The following UNC80 variants were observed in gnomAD, a reference collection of about 807,000 sequenced individuals.
UNC80 encodes the protein protein unc-80 homolog.
In UNC80, 164 loss-of-function variants were observed where a neutral mutation model predicts 384.6. That is an observed-to-expected ratio of 0.43 (90% CI 0.38 to 0.49). The LOEUF is 0.49. UNC80 is among the 20% of genes least tolerant of loss of function. The pLI is 0.00. For missense variants in UNC80, 3,330 were observed against 4,143.0 expected, an observed-to-expected ratio of 0.80 and a Z score of 5.39; for synonymous variants, 1,486 against 1,527.8, an observed-to-expected ratio of 0.97 and a Z score of 0.64.
chr2:209,896,378 G>C lies in UNC80; in HGVS notation c.4546G>C (p.Glu1516Gln), dbSNP rs1356588629. 9 of 1,551,622 alleles carry C rather than the reference G, an allele frequency of 5.8e-6. No homozygotes were observed. In the East Asian group the frequency reaches 2.2e-4, roughly 38 times the overall value. ...EPEGMSNAGA[E>Q]ENYHRNMSWL... ...AGAGGGAATGAGTAATGCCGGCGCG[G>C]AGGAGAATTACCACAGAAACATGTC... is the stretch of plus-strand genomic sequence containing the variant. The change falls in exon 28 of 65, where the codon GAG (glutamate) becomes CAG (glutamine). Residue 1516 changes from glutamate to glutamine, a missense_variant. Transcript: ENST00000673920.
At chr2:209,880,871 C>A in intron 24 of UNC80, 90 bp from the exon 25 acceptor site, 1 of 1,261,290 alleles carries the variant, frequency 7.9e-7, no homozygotes, top group Non-Finnish European at 1.1e-6. Flanking sequence ...CAATTTGATT[C>A]TATACATGTG....
intron 13 of UNC80, among the ~76,000 whole-genome samples, chr2:209,821,390 T>A (rs1455501374): frequency 6.6e-6 from 1 of 152,040 alleles, no homozygotes; most frequent in East Asian, 1.9e-4. Context: ...AGCTTCAATA[T>A]GTGAATTTTG....
chr2:209,873,326 G>C (rs1374447935), intron 23 of UNC80, among the ~76,000 whole-genome samples: 1 of 152,072 alleles, frequency 6.6e-6, no homozygotes, highest in Non-Finnish European at 1.5e-5. Context: ...TTATCTTTTT[G>C]AAAGTCATTG....
intron 20 of UNC80, among the ~76,000 whole-genome samples, chr2:209,841,466 C>G (rs781475949): frequency 1.4e-4 from 22 of 152,150 alleles, no homozygotes; most frequent in African/African-American, 5.3e-4. Context: ...AATGATTCTC[C>G]TGCCTCAGCC....
At chr2:209,836,575 T>C (rs2081350397) in intron 18 of UNC80, among the ~76,000 whole-genome samples, 1 of 152,246 alleles carries the variant, frequency 6.6e-6, no homozygotes, top group Non-Finnish European at 1.5e-5. Context: ...AGATACATGT[T>C]TCAATATGCC....
At position 209,976,803 on chromosome 2, in the gene UNC80, A is replaced by T. The variant is rs1322141866; in HGVS notation, c.8773-110A>T. The T allele has an allele frequency of 4.1e-6, 5 of 1,231,740 alleles. No homozygotes were observed. The East Asian group carries it at 1.3e-4, about 32-fold the overall frequency. The allele number at this position is 1,231,740 out of a possible 1,614,324, so 76.3% of individuals were successfully genotyped here. A position where few individuals can be genotyped will look rare whatever the true frequency, so the allele number is the denominator to read the frequency against. On this transcript the variant is annotated intron_variant, in intron 57 of 64. Transcript: ENST00000673920. This position sits in a 1 kb window ranked among gnomAD's most constrained non-coding sequence, Gnocchi z 4.3. ...CTGTGTAAAGTGCCGTTCTAGGAACATCACATGCATTACCTTATTTATTCC... is the reference window on the plus strand; with the variant it reads ...CTGTGTAAAGTGCCGTTCTAGGAACTTCACATGCATTACCTTATTTATTCC...
chr2:209,826,278 G>T (rs2080511218), intron 14 of UNC80, among the ~76,000 whole-genome samples: 1 of 152,158 alleles, frequency 6.6e-6, no homozygotes, highest in Admixed American at 6.5e-5. Flanking sequence ...TCCTGCCTAG[G>T]GCAGACCAAC....
In UNC80 at chr2:209,995,566, G is replaced by T; in HGVS notation, c.9946G>T (p.Asp3316Tyr). The T allele has an allele frequency of 6.4e-7, 1 of 1,552,066 alleles. No individual in the cohort carries two copies. The highest frequency in any genetic ancestry group is 8.7e-7 in the Non-Finnish European group (1 of 1,147,090). Reference sequence around the variant, plus strand: ...TACTCCCACTGAGCTGGGGAAAACGGATGCAGTATTAGATGAGTCTCATGT... The same window carrying T: ...TACTCCCACTGAGCTGGGGAAAACGTATGCAGTATTAGATGAGTCTCATGT... ...TFTPTELGKT[D>Y]AVLDESHV Residue 3316 changes from aspartate to tyrosine, a missense_variant, in exon 65 of 65, where the codon GAT (aspartate) becomes TAT (tyrosine). Transcript: ENST00000673920.
At position 209,843,761 on chromosome 2, in the gene UNC80, C is replaced by T. The variant is rs79788566; in HGVS notation, c.3454+1315C>T. On this transcript the variant is annotated intron_variant, in intron 21 of 64. Coordinates refer to ENST00000673920, the MANE Select transcript of UNC80 (RefSeq NM_001371986.1). ...AGATGTAACTCTAAGAATACTTCTACTTGACTTTGATTAATTAATAATTTG... is the reference window on the plus strand; with the variant it reads ...AGATGTAACTCTAAGAATACTTCTATTTGACTTTGATTAATTAATAATTTG... Among the ~76,000 whole-genome samples, 659 of 152,242 alleles carry T rather than the reference C, an allele frequency of 4.3e-3. 2 individuals carry two copies. Among genetic ancestry groups the T allele is most frequent in the Admixed American group, 7.3e-3 (112 of 15,290 alleles).
intron 52 of UNC80, chr2:209,967,911 C>T (rs2125009394): frequency 6.8e-6 from 2 of 295,986 alleles, no homozygotes; most frequent in Non-Finnish European, 1.3e-5. Context: ...ATAAAAATTT[C>T]AATTAGTACC....
At chr2:209,788,217 G>C (rs1396916751) in intron 5 of UNC80, among the ~76,000 whole-genome samples, 2 of 152,154 alleles carry the variant, frequency 1.3e-5, no homozygotes, top group South Asian at 2.1e-4. Context: ...AGGAGTTAGA[G>C]ACCAGCCTGA....
At chr2:209,840,139 C>G (rs1472813418) in intron 19 of UNC80, among the ~76,000 whole-genome samples, 1 of 152,084 alleles carries the variant, frequency 6.6e-6, no homozygotes, top group Non-Finnish European at 1.5e-5. Context: ...CTGGAGGGAG[C>G]ATAAGTAGAT....
At chr2:209,995,253 G>C in intron 64 of UNC80, 76 bp from the exon 65 acceptor site, 1 of 1,510,528 alleles carries the variant, frequency 6.6e-7, no homozygotes, top group Non-Finnish European at 8.9e-7. Flanking sequence ...ATTACCACTA[G>C]ACAACAACAT....
At chr2:209,920,148 G>A (rs2089919951) in intron 33 of UNC80, among the ~76,000 whole-genome samples, 2 of 152,030 alleles carry the variant, frequency 1.3e-5, no homozygotes, top group Non-Finnish European at 2.9e-5. Context: ...CAGCCTGGGT[G>A]ACAAGAGCGA....
intron 29 of UNC80, among the ~76,000 whole-genome samples, chr2:209,905,951 C>A (rs1283224468): frequency 6.6e-6 from 1 of 152,144 alleles, no homozygotes; most frequent in Non-Finnish European, 1.5e-5. Context: ...TTGTGGCTGC[C>A]CCTGCAGCTG....
At chr2:209,812,854 A>G (rs2079465524) in intron 7 of UNC80, among the ~76,000 whole-genome samples, 1 of 152,232 alleles carries the variant, frequency 6.6e-6, no homozygotes, top group African/African-American at 2.4e-5. Flanking sequence ...TAGTAGAATT[A>G]AATTGAACAC....
chr2:209,874,269 G>C (rs933620713), intron 23 of UNC80, among the ~76,000 whole-genome samples: 8 of 152,144 alleles, frequency 5.3e-5, no homozygotes, highest in African/African-American at 1.4e-4. Flanking sequence ...AGAGGCACCA[G>C]TAATCTCTTT....
intron 28 of UNC80, among the ~76,000 whole-genome samples, chr2:209,900,301 T>A (rs2087249567): frequency 1.3e-5 from 2 of 152,206 alleles, no homozygotes; most frequent in Admixed American, 1.3e-4. Context: ...TAATAGCATG[T>A]GCTTACTTTG....
At chr2:209,831,130 A>G (rs1034455900) in intron 15 of UNC80, among the ~76,000 whole-genome samples, 2 of 149,604 alleles carry the variant, frequency 1.3e-5, no homozygotes, top group Non-Finnish European at 3.0e-5. Flanking sequence ...GTGATCACCT[A>G]TTTAAAAACT....
Sources: allele counts gnomAD v4.1 joint callset (sites outside exome capture counted in the v4.1 genomes callset), GRCh38; gene constraint gnomAD v4.1.1; non-coding constraint Gnocchi (gnomAD v3.1); transcripts MANE v1.5; gene names NCBI Gene and HGNC (gene_info 2026-07-23, HGNC 2026-07-21).